The following SLCO3A1 variants were observed in gnomAD, a reference collection of about 807,000 sequenced individuals.
SLCO3A1 encodes PGE1 transporter.
In SLCO3A1, 27 loss-of-function variants were observed where a neutral mutation model predicts 63.1. The ratio of observed to expected loss-of-function variants is 0.43; its 90% CI spans 0.32 to 0.59. The LOEUF is 0.59. Among genes scored for constraint, SLCO3A1 ranks in the 20% least tolerant of loss-of-function variants. The pLI is 0.09. For synonymous variants in SLCO3A1, 473 were observed against 409.9 expected (o/e 1.15, Z -1.86); for missense variants, 773 against 945.8 (o/e 0.82, Z 2.40).
Position 91,916,698 on chromosome 15 carries a change from C to A in SLCO3A1, c.646+240C>A, listed in dbSNP as rs1196615313. ...GCTCCACGGGGCTAGACCACTAACACCGCTTCAGTGGGAAAACATGATCGG... is the reference window on the plus strand; with the variant it reads ...GCTCCACGGGGCTAGACCACTAACAACGCTTCAGTGGGAAAACATGATCGG... On this transcript the variant is annotated intron_variant, in intron 2 of 9. Transcript: ENST00000318445. The surrounding 1 kb of genome is among the most constrained non-coding windows in gnomAD (Gnocchi z 6.2). 6.6e-6 allele frequency among the ~76,000 whole-genome samples: 1 copy of A among 152,246 alleles called. No individual in the cohort carries two copies. The highest frequency in any genetic ancestry group is 1.5e-5 in the Non-Finnish European group (1 of 68,046).
At chr15:91,961,665 CAGAG>C (rs1452445053) in intron 2 of SLCO3A1, among the ~76,000 whole-genome samples, 1 of 152,236 alleles carries the variant, frequency 6.6e-6, no homozygotes, top group Non-Finnish European at 1.5e-5. Context: ...GTCTTCCCAT[CAGAG>C]AGGCCTTCCC....
At chr15:91,983,632 C>T (rs545438602) in intron 2 of SLCO3A1, among the ~76,000 whole-genome samples, 5 of 152,242 alleles carry the variant, frequency 3.3e-5, no homozygotes, top group African/African-American at 1.2e-4. Flanking sequence ...GCAGTAAAAG[C>T]GCATTTGTTT....
At chr15:92,115,317 A>G (rs918613464) in intron 4 of SLCO3A1, among the ~76,000 whole-genome samples, 2 of 151,594 alleles carry the variant, frequency 1.3e-5, no homozygotes, top group African/African-American at 4.8e-5. Flanking sequence ...CACTTTCTCC[A>G]TGGCTATGGC....
At chr15:92,172,048 T>C (rs1401285757) in exon 11 of SLCO3A1, 3 of 579,794 alleles carry the variant, frequency 5.2e-6, no homozygotes, top group Non-Finnish European at 6.2e-6. Context: ...AGGTGACTTA[T>C]GGTCAGGAGT....
chr15:91,924,718 T>C (rs1898956013), intron 2 of SLCO3A1, among the ~76,000 whole-genome samples: 1 of 152,186 alleles, frequency 6.6e-6, no homozygotes, highest in Non-Finnish European at 1.5e-5. Flanking sequence ...GACCCACTCC[T>C]ACTGACACCT....
intron 2 of SLCO3A1, among the ~76,000 whole-genome samples, chr15:92,008,740 A>G (rs2046338863): frequency 1.3e-5 from 2 of 152,336 alleles, no homozygotes; most frequent in Middle Eastern, 3.4e-3. Flanking sequence ...ATATTGGCAA[A>G]TGTGATTATT....
At chr15:91,957,106 A>AG (rs1207911475) in intron 2 of SLCO3A1, among the ~76,000 whole-genome samples, 5 of 312 alleles carry the variant, frequency 0.016, no homozygotes, top group Admixed American at 0.062. Flanking sequence ...TATATAATAT[A>AG]TATATATATA....
chr15:91,896,245 C>T (rs1019236548), intron 1 of SLCO3A1, among the ~76,000 whole-genome samples: 4 of 152,228 alleles, frequency 2.6e-5, no homozygotes, highest in African/African-American at 9.6e-5. Flanking sequence ...TCTCTATCCT[C>T]TAACTCTGGA....
At chr15:91,925,861 A>G (rs1898994503) in intron 2 of SLCO3A1, among the ~76,000 whole-genome samples, 1 of 152,218 alleles carries the variant, frequency 6.6e-6, no homozygotes, top group Non-Finnish European at 1.5e-5. Context: ...TGAAGCTAGC[A>G]TCTAGCCCTT....
rs532804296 is a variant in SLCO3A1 at position 92,040,330 on chromosome 15, A to G, written c.647-54551A>G. ...AATATTAGAAAAATTTGGAATGTCTATTCAAAGGCATGGAAACAGATCAGT... is the reference window on the plus strand; with the variant it reads ...AATATTAGAAAAATTTGGAATGTCTGTTCAAAGGCATGGAAACAGATCAGT... On this transcript the variant is annotated intron_variant, in intron 2 of 9. Transcript: ENST00000318445. Among the ~76,000 whole-genome samples the G allele has an allele frequency of 5.3e-5, 8 of 152,352 alleles. No individual in the cohort carries two copies. In the South Asian group the frequency reaches 1.2e-3, roughly 24 times the overall value.
chr15:91,869,874 C>T (rs1897248535), intron 1 of SLCO3A1, among the ~76,000 whole-genome samples: 1 of 152,142 alleles, frequency 6.6e-6, no homozygotes, highest in Admixed American at 6.5e-5. Flanking sequence ...AAAACTCTTC[C>T]AAGGCAGAAC....
At chr15:91,987,803 A>G (rs975412097) in intron 2 of SLCO3A1, among the ~76,000 whole-genome samples, 1 of 152,054 alleles carries the variant, frequency 6.6e-6, no homozygotes, top group African/African-American at 2.4e-5. Context: ...ACATTCTGAC[A>G]TTTGATGGAT....
At chr15:91,868,535 C>G (rs995872886) in intron 1 of SLCO3A1, among the ~76,000 whole-genome samples, 1 of 152,108 alleles carries the variant, frequency 6.6e-6, no homozygotes, top group African/African-American at 2.4e-5. Flanking sequence ...TTAAGTCTCT[C>G]TCCGTCTACC....
chr15:92,039,896 G>A (rs1480473220), intron 2 of SLCO3A1, among the ~76,000 whole-genome samples: 1 of 152,200 alleles, frequency 6.6e-6, no homozygotes, highest in Admixed American at 6.5e-5. Context: ...AAAAAGGAAT[G>A]AGATCATGTC....
chr15:91,863,654 A>G lies in SLCO3A1; in HGVS notation c.180+9566A>G, dbSNP rs1897099077. ...GCTTTCCAACCTCCTCCTGAAATGT[A>G]GGAAAGGAGCATATTTTTTTGGCCG... On this transcript the variant is annotated intron_variant, in intron 1 of 9. Transcript: ENST00000318445. This position sits in a 1 kb window ranked among gnomAD's most constrained non-coding sequence, Gnocchi z 4.3. Among the ~76,000 whole-genome samples, 1 of 152,174 alleles carries G rather than the reference A, an allele frequency of 6.6e-6. No individual in the cohort carries two copies. Among genetic ancestry groups the G allele is most frequent in the Non-Finnish European group, 1.5e-5 (1 of 68,034 alleles).
chr15:92,121,825 C>G (rs2047866221), intron 5 of SLCO3A1, among the ~76,000 whole-genome samples: 2 of 152,178 alleles, frequency 1.3e-5, no homozygotes, highest in South Asian at 4.1e-4. Context: ...AAGAAAGCAG[C>G]CATCTGCAAT....
chr15:92,157,862 T>C lies in SLCO3A1; in HGVS notation c.1754-4894T>C, dbSNP rs147980428. Reference sequence around the variant, plus strand: ...TCTTTACAAAAGCTCTGCCTGAAGGTATGATCGTGCCCATTGTATAAACAG... The same window carrying C: ...TCTTTACAAAAGCTCTGCCTGAAGGCATGATCGTGCCCATTGTATAAACAG... On this transcript the variant is annotated intron_variant, in intron 9 of 9. Coordinates refer to ENST00000318445, the MANE Select transcript of SLCO3A1 (RefSeq NM_013272.4). 5.7e-3 allele frequency among the ~76,000 whole-genome samples: 873 copies of C among 152,298 alleles called. 8 individuals are homozygous for C. The highest frequency in any genetic ancestry group is 0.02 in the African/African-American group (811 of 41,556).
At chr15:91,861,485 T>C (rs546387066) in intron 1 of SLCO3A1, among the ~76,000 whole-genome samples, 67 of 144,074 alleles carry the variant, frequency 4.7e-4, no homozygotes, top group African/African-American at 1.9e-3. Context: ...TTATTTCCCA[T>C]ATGACTGGGC....
At chr15:91,932,808 A>T (rs1008929881) in intron 2 of SLCO3A1, among the ~76,000 whole-genome samples, 16 of 152,196 alleles carry the variant, frequency 1.1e-4, no homozygotes, top group African/African-American at 3.6e-4. Context: ...TGGTCGTTAG[A>T]TCTAGAGACT....
Sources: gnomAD v4.1 joint callset for allele counts (sites outside exome capture counted in the v4.1 genomes callset) on GRCh38, gnomAD v4.1.1 for gene constraint, Gnocchi (gnomAD v3.1) non-coding constraint, MANE v1.5 for transcripts, NCBI Gene and HGNC (gene_info 2026-07-23, HGNC 2026-07-21) for gene names.